The following CCDC6 variants were observed in gnomAD, a reference collection of about 807,000 sequenced individuals.
The protein encoded by CCDC6 is coiled-coil domain containing 6.
CCDC6 carries 20 observed loss-of-function variants against 56.6 expected under a neutral mutation model. The ratio of observed to expected loss-of-function variants is 0.35; its 90% CI spans 0.25 to 0.51. The LOEUF (loss-of-function observed/expected upper bound fraction) is 0.51. CCDC6 is among the 20% of genes least tolerant of loss of function. The pLI, the probability that CCDC6 is intolerant of heterozygous loss-of-function variation, is 0.95. For missense variants in CCDC6, 367 were observed against 601.1 expected (o/e 0.61, Z 4.07); for synonymous variants, 241 against 234.4 (o/e 1.03, Z -0.26).
rs768217203 is a variant in CCDC6 at position 59,807,099 on chromosome 10, A to G, written c.848-21T>C. On this transcript the variant is annotated intron_variant, in intron 5 of 8. Transcript: ENST00000263102. ...TGAATCTGAAAAGTCAGAGTTTTCA[A>G]TTAAACCATGTTTCATGCAATCATA... 8 of 1,610,286 alleles carry G rather than the reference A, an allele frequency of 5.0e-6. No homozygotes were observed. The African/African-American group carries it at 1.1e-4, about 22-fold the overall frequency.
intron 2 of CCDC6, among the ~76,000 whole-genome samples, chr10:59,837,589 C>CA (rs1415885716): frequency 6.6e-6 from 1 of 151,462 alleles, no homozygotes; most frequent in East Asian, 1.9e-4. Context: ...ACCAAAAATA[C>CA]AAAAAAATTA....
chr10:59,799,831 T>C (rs2070557762), intron 7 of CCDC6, among the ~76,000 whole-genome samples: 1 of 152,212 alleles, frequency 6.6e-6, no homozygotes, highest in African/African-American at 2.4e-5. Flanking sequence ...AATCTCATTG[T>C]GCTTTAGATT....
intron 1 of CCDC6, among the ~76,000 whole-genome samples, chr10:59,904,901 G>A (rs1260332864): frequency 6.7e-6 from 1 of 148,642 alleles, no homozygotes; most frequent in Admixed American, 6.6e-5. Context: ...CTCCTCCACC[G>A]AAGGCATTTC....
chr10:59,883,134 T>C (rs79505698), intron 1 of CCDC6, among the ~76,000 whole-genome samples: 2,607 of 152,236 alleles, frequency 0.017, 31 homozygotes, highest in Middle Eastern at 0.044. Flanking sequence ...ACTGGGTCCA[T>C]TGCCCACTGT....
Position 59,871,620 on chromosome 10 carries a change from A to G in CCDC6, c.304-18918T>C, listed in dbSNP as rs531206780. ...GGAGCAGATAAAAAGATACAGCGCT[A>G]GCTAATCAGGAGACCTTAGCCCTCG... is the stretch of plus-strand genomic sequence containing the variant. On this transcript the variant is annotated intron_variant, in intron 1 of 8. Coordinates refer to ENST00000263102, the MANE Select transcript of CCDC6 (RefSeq NM_005436.5). Among the ~76,000 whole-genome samples, 9 of 152,296 alleles carry G rather than the reference A, an allele frequency of 5.9e-5. No individual in the cohort carries two copies. The South Asian group carries it at 1.9e-3, about 32-fold the overall frequency.
At chr10:59,826,726 A>G (rs187821410) in intron 3 of CCDC6, among the ~76,000 whole-genome samples, 8 of 152,360 alleles carry the variant, frequency 5.3e-5, no homozygotes, top group African/African-American at 1.7e-4. Flanking sequence ...ATGACATATG[A>G]GCATAAATAT....
chr10:59,800,460 C>G (rs1381190157), intron 7 of CCDC6, among the ~76,000 whole-genome samples: 1 of 152,184 alleles, frequency 6.6e-6, no homozygotes, highest in African/African-American at 2.4e-5. Flanking sequence ...GCAATCCATC[C>G]AAATTGTTCT....
chr10:59,845,346 G>GT (rs151236986), intron 2 of CCDC6, among the ~76,000 whole-genome samples: 11,554 of 96,532 alleles, frequency 0.12, 67 homozygotes, highest in Non-Finnish European at 0.14. Context: ...GCCCCTATGG[G>GT]TTTTTTTTTT....
chr10:59,807,737 C>G lies in CCDC6; in HGVS notation c.848-659G>C, dbSNP rs143499506. The stretch of plus-strand genomic sequence containing the variant: ...ACTACAAGAGCTCTTCTCTACATTG[C>G]CAGAGCTGGGAAAGGAGGGAGGCCC... On this transcript the variant is annotated intron_variant, in intron 5 of 8. Coordinates refer to ENST00000263102, the MANE Select transcript of CCDC6 (RefSeq NM_005436.5). Among the ~76,000 whole-genome samples, 7 of 152,196 alleles carry G rather than the reference C, an allele frequency of 4.6e-5. No homozygotes were observed. In the East Asian group the frequency reaches 1.2e-3, roughly 25 times the overall value.
chr10:59,875,300 T>C (rs2071269045), intron 1 of CCDC6, among the ~76,000 whole-genome samples: 1 of 152,226 alleles, frequency 6.6e-6, no homozygotes. Flanking sequence ...AAAATAGTTA[T>C]TTATCATCAC....
intron 1 of CCDC6, among the ~76,000 whole-genome samples, chr10:59,879,794 A>G (rs1433645605): frequency 1.3e-5 from 2 of 152,122 alleles, no homozygotes; most frequent in Admixed American, 6.5e-5. Flanking sequence ...CAAGTTTCCA[A>G]TAGGTTCTTT....
intron 3 of CCDC6, among the ~76,000 whole-genome samples, chr10:59,823,626 T>C (rs1343568811): frequency 6.6e-6 from 1 of 151,840 alleles, no homozygotes; most frequent in Non-Finnish European, 1.5e-5. Context: ...CTTGCCCTAA[T>C]GTGATTTATC....
At chr10:59,901,721 C>T (rs147418370) in intron 1 of CCDC6, among the ~76,000 whole-genome samples, 2 of 152,262 alleles carry the variant, frequency 1.3e-5, no homozygotes, top group African/African-American at 2.4e-5. Flanking sequence ...TGCTTATACA[C>T]GGAGAATGCC....
intron 1 of CCDC6, among the ~76,000 whole-genome samples, chr10:59,903,272 C>A (rs1473849184): frequency 6.6e-6 from 1 of 152,120 alleles, no homozygotes; most frequent in Non-Finnish European, 1.5e-5. Context: ...TATACAAGAC[C>A]AAGTAAACTC....
At chr10:59,812,974 T>G (rs7894842) in intron 4 of CCDC6, among the ~76,000 whole-genome samples, 179 bp from the exon 5 acceptor site, 75,860 of 152,014 alleles carry the variant, frequency 0.5, 20,078 homozygotes, top group African/African-American at 0.69. Context: ...GGTGTCTCAC[T>G]TCAAAGGGCA....
intron 2 of CCDC6, among the ~76,000 whole-genome samples, chr10:59,838,123 T>G (rs1041809843): frequency 6.6e-6 from 1 of 152,068 alleles, no homozygotes; most frequent in Non-Finnish European, 1.5e-5. Context: ...GGGCCCACAC[T>G]TATTCCCACC....
chr10:59,905,531 A>C (rs1195319649), intron 1 of CCDC6, among the ~76,000 whole-genome samples: 1 of 152,064 alleles, frequency 6.6e-6, no homozygotes, highest in Non-Finnish European at 1.5e-5. Flanking sequence ...CAGAGGTGGG[A>C]GCATTAGCGC....
At chr10:59,800,153 CCT>C (rs1372814917) in intron 7 of CCDC6, among the ~76,000 whole-genome samples, 1 of 152,126 alleles carries the variant, frequency 6.6e-6, no homozygotes, top group Admixed American at 6.5e-5. Flanking sequence ...CTCAGCTTCC[CCT>C]GATTACACCC....
chr10:59,866,289 A>C (rs1374485194), intron 1 of CCDC6, among the ~76,000 whole-genome samples: 2 of 152,314 alleles, frequency 1.3e-5, no homozygotes, highest in Admixed American at 1.3e-4. Context: ...TTGGCTACAT[A>C]AATAGCCTCA....
Sources: gnomAD v4.1 joint callset for allele counts (sites outside exome capture counted in the v4.1 genomes callset) on GRCh38, gnomAD v4.1.1 for gene constraint, MANE v1.5 for transcripts, NCBI Gene and HGNC (gene_info 2026-07-23, HGNC 2026-07-21) for gene names.